MYT1L: variants seen among roughly 807,000 people sequenced by gnomAD.
The protein encoded by MYT1L is myelin transcription factor 1 like.
A neutral mutation model predicts 126.7 loss-of-function variants in MYT1L; 12 were observed. The ratio of observed to expected loss-of-function variants is 0.09; its 90% CI spans 0.06 to 0.15. The LOEUF (loss-of-function observed/expected upper bound fraction) is 0.15. Among genes scored for constraint, MYT1L ranks in the 10% least tolerant of loss-of-function variants. The probability of loss-of-function intolerance (pLI) is 1.00; values close to 1 mark genes in which losing one functional copy is unlikely to be tolerated. For synonymous variants in MYT1L, 541 were observed against 604.2 expected (o/e 0.90, Z 1.53); for missense variants, 979 against 1,585.2 (o/e 0.62, Z 6.49).
At chr2:1,824,281 C>G (rs2038988935) in intron 21 of MYT1L, 1 of 152,240 alleles carries the variant, frequency 6.6e-6, no homozygotes, top group African/African-American at 2.4e-5. Context: ...GGTATTTTCT[C>G]CACGTCTCTC....
chr2:2,088,244 CT>C (rs1361000303), intron 3 of MYT1L, among the ~76,000 whole-genome samples: 1 of 152,184 alleles, frequency 6.6e-6, no homozygotes, highest in African/African-American at 2.4e-5. Context: ...GACTGACTCG[CT>C]TTCTCTAGAA....
intron 9 of MYT1L, among the ~76,000 whole-genome samples, chr2:1,937,556 T>TG (rs2056115282): frequency 1.0e-5 from 1 of 99,858 alleles, no homozygotes; most frequent in Non-Finnish European, 2.1e-5. Flanking sequence ...GATCGCACAG[T>TG]GAGAAGGCCC....
chr2:2,161,296 T>C (rs899921555), intron 3 of MYT1L, among the ~76,000 whole-genome samples: 4 of 152,206 alleles, frequency 2.6e-5, no homozygotes, highest in African/African-American at 7.2e-5. Flanking sequence ...GCTTGGATAT[T>C]TGATAACAAG....
Position 1,848,379 on chromosome 2 carries a change from C to CTA in MYT1L, c.2774+3261_2774+3262insTA, listed in dbSNP as rs2042789196. On this transcript the variant is annotated intron_variant, in intron 19 of 24. Transcript: ENST00000647738. This position sits in a 1 kb window ranked among gnomAD's most constrained non-coding sequence, Gnocchi z 4.8. ...TGTCCTGGGAGCAGGAGGGAGAATT[C>CTA]CAGACACCACAGGTGCGCGAGGCGG... Among the ~76,000 whole-genome samples the CTA allele has an allele frequency of 6.6e-6, 1 of 151,290 alleles. No individual in the cohort carries two copies. The highest frequency in any genetic ancestry group is 1.5e-5 in the Non-Finnish European group (1 of 67,902).
rs1361983582 is a variant in MYT1L, at chr2:2,068,777, T to G, written c.-303-14654A>C. ...ACACCTGTGTTCTTCTTGTTTTTTTTTTTTTTTTTTTTTTTTTTTTTCATA... is the reference window on the plus strand; with the variant it reads ...ACACCTGTGTTCTTCTTGTTTTTTTGTTTTTTTTTTTTTTTTTTTTTCATA... On this transcript the variant is annotated intron_variant, in intron 3 of 24. Transcript: ENST00000647738. 5.2e-3 allele frequency among the ~76,000 whole-genome samples: 701 copies of G among 135,880 alleles called. 7 individuals are homozygous for G. The highest frequency in any genetic ancestry group is 0.018 in the African/African-American group (641 of 35,408). 89.1% of individuals were successfully genotyped at this position (135,880 alleles called of 152,430 possible).
chr2:2,052,868 G>A (rs2069005908), intron 4 of MYT1L, among the ~76,000 whole-genome samples: 1 of 152,198 alleles, frequency 6.6e-6, no homozygotes, highest in Non-Finnish European at 1.5e-5. Context: ...CTATTGAAAA[G>A]AGTGGCATTT....
Position 2,071,157 on chromosome 2 carries a change from C to G in MYT1L, c.-303-17034G>C, listed in dbSNP as rs60645587. Among the ~76,000 whole-genome samples the G allele has an allele frequency of 8.9e-3, 1,361 of 152,224 alleles. 21 individuals are homozygous for G. The highest frequency in any genetic ancestry group is 0.028 in the African/African-American group (1,144 of 41,524). On this transcript the variant is annotated intron_variant, in intron 3 of 24. Transcript: ENST00000647738. ...TAAAAAATGTTAATATGTAATAAAGCCTCATAAATCCTGACTAACTGGGGA... is the reference window on the plus strand; with the variant it reads ...TAAAAAATGTTAATATGTAATAAAGGCTCATAAATCCTGACTAACTGGGGA...
chr2:1,910,415 T>A lies in MYT1L; in HGVS notation c.1710-68A>T. 1 of 1,394,942 alleles carries A rather than the reference T, an allele frequency of 7.2e-7. No individual in the cohort carries two copies. Among genetic ancestry groups the A allele is most frequent in the Non-Finnish European group, 1.0e-6 (1 of 998,476 alleles). 86.4% of individuals were successfully genotyped at this position (1,394,942 alleles called of 1,614,324 possible). A position where few individuals can be genotyped will look rare whatever the true frequency, so the allele number is the denominator to read the frequency against. ...CCTTCACAGCACACTAATCCTCCCTTAGCACCAAGACCCTGATGCAGGTGG... is the reference window on the plus strand; with the variant it reads ...CCTTCACAGCACACTAATCCTCCCTAAGCACCAAGACCCTGATGCAGGTGG... On this transcript the variant is annotated intron_variant, in intron 12 of 24. Coordinates refer to ENST00000647738, the MANE Select transcript of MYT1L (RefSeq NM_001303052.2). This position sits in a 1 kb window ranked among gnomAD's most constrained non-coding sequence, Gnocchi z 4.8.
chr2:2,074,388 G>A (rs1422451613), intron 3 of MYT1L, among the ~76,000 whole-genome samples: 2 of 152,226 alleles, frequency 1.3e-5, no homozygotes, highest in African/African-American at 4.8e-5. Flanking sequence ...CTGTGAGTCT[G>A]AGCTTAGTGT....
At chr2:2,116,515 A>T (rs2080228149) in intron 3 of MYT1L, among the ~76,000 whole-genome samples, 1 of 152,212 alleles carries the variant, frequency 6.6e-6, no homozygotes, top group Admixed American at 6.5e-5. Context: ...CACATCATGG[A>T]ACTTGTCTCC....
intron 3 of MYT1L, among the ~76,000 whole-genome samples, chr2:2,140,569 G>T (rs1311839112): frequency 6.6e-6 from 1 of 151,426 alleles, no homozygotes; most frequent in African/African-American, 2.4e-5. Context: ...CAAGTAGCTG[G>T]GACTACAGGT....
At chr2:1,883,066 C>T (rs1189418078) in intron 18 of MYT1L, among the ~76,000 whole-genome samples, 1 of 152,160 alleles carries the variant, frequency 6.6e-6, no homozygotes, top group African/African-American at 2.4e-5. Flanking sequence ...TGCTCACTGC[C>T]GTGATGACTC....
chr2:2,319,076 G>C (rs2096117480), intron 1 of MYT1L, among the ~76,000 whole-genome samples: 1 of 152,158 alleles, frequency 6.6e-6, no homozygotes. Context: ...TCCTTGTTTT[G>C]ATGTTTCTGC....
At chr2:2,210,809 T>A (rs1322975702) in intron 2 of MYT1L, among the ~76,000 whole-genome samples, 1 of 152,314 alleles carries the variant, frequency 6.6e-6, no homozygotes, top group East Asian at 1.9e-4. Context: ...TCTGTAGATT[T>A]CTTTGGGTAG....
At chr2:1,802,568 G>A (rs1309269895) in intron 22 of MYT1L, among the ~76,000 whole-genome samples, 1 of 152,234 alleles carries the variant, frequency 6.6e-6, no homozygotes, top group African/African-American at 2.4e-5. Context: ...GACCATCTGA[G>A]TGTCCCTGGT....
At chr2:2,000,425 T>C (rs544503888) in intron 4 of MYT1L, among the ~76,000 whole-genome samples, 1 of 152,292 alleles carries the variant, frequency 6.6e-6, no homozygotes, top group South Asian at 2.1e-4. Flanking sequence ...TTTGTTTCTG[T>C]TTATTTGCTT....
intron 2 of MYT1L, among the ~76,000 whole-genome samples, chr2:2,240,586 G>A (rs1045597033): frequency 1.3e-5 from 2 of 152,130 alleles, no homozygotes; most frequent in Non-Finnish European, 2.9e-5. Context: ...CTAATCCTTT[G>A]TCTAAGTCTC....
chr2:1,883,015 G>C (rs867418451), intron 18 of MYT1L, among the ~76,000 whole-genome samples: 1 of 152,180 alleles, frequency 6.6e-6, no homozygotes, highest in South Asian at 2.1e-4. Context: ...ACTACTGCGC[G>C]TACGGGACCA....
chr2:2,214,468 C>T, intron 2 of MYT1L, among the ~76,000 whole-genome samples: 1 of 151,464 alleles, frequency 6.6e-6, no homozygotes, highest in East Asian at 1.9e-4. Context: ...AGCTTAAAGG[C>T]AGATAATAGG....
Sources: gnomAD v4.1 joint callset for allele counts (sites outside exome capture counted in the v4.1 genomes callset) on GRCh38, gnomAD v4.1.1 for gene constraint, Gnocchi (gnomAD v3.1) non-coding constraint, MANE v1.5 for transcripts, NCBI Gene and HGNC (gene_info 2026-07-23, HGNC 2026-07-21) for gene names.